Variants in HEMK2 observed in about 807,000 individuals in gnomAD.
HEMK2 encodes HemK methyltransferase 2, ETF1 glutamine and histone H4 lysine.
chr21:28,680,953 T>A, the HEMK2 span, among the ~76,000 whole-genome samples: 1 of 152,168 alleles, frequency 6.6e-6, no homozygotes, highest in East Asian at 1.9e-4. Flanking sequence ...TCATACTGAA[T>A]GGGCAAAAAC....
chr21:28,780,263 T>C, the HEMK2 span, among the ~76,000 whole-genome samples: 1 of 152,164 alleles, frequency 6.6e-6, no homozygotes, highest in African/African-American at 2.4e-5. Context: ...CTGCAACCTC[T>C]GCCTCCCAGG....
chr21:28,646,477 A>G, the HEMK2 span, among the ~76,000 whole-genome samples: 152,309 of 152,326 alleles, frequency 1, 76,146 homozygotes, highest in Middle Eastern at 1. Flanking sequence ...TTTGACCCAA[A>G]TAACTCTCTC....
the HEMK2 span, among the ~76,000 whole-genome samples, chr21:28,838,970 A>C: frequency 5.8e-5 from 2 of 34,518 alleles, no homozygotes; most frequent in African/African-American, 2.7e-4. Context: ...AAAAAAAAAA[A>C]AAATATATAT....
chr21:28,879,296 G>A, the HEMK2 span, among the ~76,000 whole-genome samples: 1 of 152,054 alleles, frequency 6.6e-6, no homozygotes, highest in African/African-American at 2.4e-5. Context: ...AGGCTGGAGT[G>A]CAGTGGCTTG....
the HEMK2 span, chr21:28,876,226 A>G: frequency 2.2e-6 from 1 of 449,324 alleles, no homozygotes; most frequent in Non-Finnish European, 4.0e-6. Context: ...TACTTGTGCA[A>G]ATAATTCTAT....
chr21:28,691,399 C>T, the HEMK2 span, among the ~76,000 whole-genome samples: 5 of 152,242 alleles, frequency 3.3e-5, no homozygotes, highest in South Asian at 4.1e-4. Context: ...GTTCACTCCA[C>T]GTCAGTTAAA....
the HEMK2 span, among the ~76,000 whole-genome samples, chr21:28,881,679 T>A: frequency 6.8e-6 from 1 of 147,158 alleles, no homozygotes; most frequent in African/African-American, 2.5e-5. Context: ...TTCCACAGGC[T>A]GGAGTGCAGT....
the HEMK2 span, among the ~76,000 whole-genome samples, chr21:28,679,956 C>G: frequency 6.6e-6 from 1 of 152,000 alleles, no homozygotes; most frequent in African/African-American, 2.4e-5. Flanking sequence ...CAGGAAAGAT[C>G]TAAAATTGAC....
chr21:28,722,656 C>T, the HEMK2 span, among the ~76,000 whole-genome samples: 6 of 152,096 alleles, frequency 3.9e-5, no homozygotes, highest in South Asian at 2.1e-4. Flanking sequence ...CAGAGGCAGG[C>T]GGATGACCTG....
At chr21:28,852,329 C>A in the HEMK2 span, among the ~76,000 whole-genome samples, 1 of 152,098 alleles carries the variant, frequency 6.6e-6, no homozygotes, top group Non-Finnish European at 1.5e-5. Context: ...ATTCTGGCAC[C>A]GGGGAAGTGA....
the HEMK2 span, among the ~76,000 whole-genome samples, chr21:28,652,462 CCCTT>C: frequency 2.0e-5 from 3 of 151,914 alleles, no homozygotes; most frequent in African/African-American, 4.8e-5. Context: ...CTCCCTCCCT[CCCTT>C]CCTTCTTTTC....
chr21:28,788,613 AATC>A, the HEMK2 span, among the ~76,000 whole-genome samples: 6 of 151,998 alleles, frequency 3.9e-5, no homozygotes, highest in African/African-American at 1.5e-4. Flanking sequence ...AAATCTCACA[AATC>A]ATCACTACCA....
the HEMK2 span, among the ~76,000 whole-genome samples, chr21:28,585,581 T>C: frequency 6.7e-6 from 1 of 149,924 alleles, no homozygotes; most frequent in Non-Finnish European, 1.5e-5. Context: ...AATAAAATTA[T>C]AAAACTAAAA....
the HEMK2 span, among the ~76,000 whole-genome samples, chr21:28,663,885 A>T: frequency 9.2e-5 from 14 of 152,192 alleles, no homozygotes; most frequent in African/African-American, 3.4e-4. Context: ...TTTAGTTTGT[A>T]AGAGCAAGAG....
the HEMK2 span, among the ~76,000 whole-genome samples, chr21:28,884,855 A>G: frequency 6.6e-6 from 1 of 152,212 alleles, no homozygotes; most frequent in Non-Finnish European, 1.5e-5. Flanking sequence ...TAAAAATATT[A>G]ATAAGCAATG....
At chr21:28,695,867 T>C in the HEMK2 span, among the ~76,000 whole-genome samples, 4 of 152,256 alleles carry the variant, frequency 2.6e-5, no homozygotes, top group African/African-American at 7.2e-5. Flanking sequence ...CTTCCACCTA[T>C]GAGCCTGTAA....
At chr21:28,847,267 G>A in the HEMK2 span, among the ~76,000 whole-genome samples, 1 of 152,058 alleles carries the variant, frequency 6.6e-6, no homozygotes, top group Non-Finnish European at 1.5e-5. Context: ...CCTTTTCTCT[G>A]CAACCTCACC....
At chr21:28,703,810 C>T in the HEMK2 span, among the ~76,000 whole-genome samples, 1 of 152,122 alleles carries the variant, frequency 6.6e-6, no homozygotes, top group Non-Finnish European at 1.5e-5. Flanking sequence ...TTATTGGATG[C>T]TCTGATTCAG....
chr21:28,737,606 A>G, the HEMK2 span, among the ~76,000 whole-genome samples: 2 of 152,022 alleles, frequency 1.3e-5, no homozygotes, highest in Non-Finnish European at 2.9e-5. Flanking sequence ...AAAAAAAAGA[A>G]GAAGAAAAGA....
Sources: gnomAD v4.1 joint callset for allele counts (sites outside exome capture counted in the v4.1 genomes callset) on GRCh38, gnomAD v4.1.1 for gene constraint, MANE v1.5 for transcripts, NCBI Gene and HGNC (gene_info 2026-07-23, HGNC 2026-07-21) for gene names.